The following GIT2 variants were observed in gnomAD, a reference collection of about 807,000 sequenced individuals.
GIT2 encodes the protein GIT ArfGAP 2, also known as ARF GTPase-activating protein GIT2.
Under a neutral mutation model 100.3 loss-of-function variants are expected in GIT2, and 32 were observed. That is an observed-to-expected ratio of 0.32 (90% CI 0.24 to 0.43). GIT2 has a LOEUF of 0.43. Among genes scored for constraint, GIT2 ranks in the 20% least tolerant of loss-of-function variants. The pLI is 1.00. For synonymous variants in GIT2, 353 were observed against 364.1 expected (o/e 0.97, Z 0.35); for missense variants, 737 against 975.1 (o/e 0.76, Z 3.25).
intron 8 of GIT2, among the ~76,000 whole-genome samples, chr12:109,966,745 T>C (rs1882576134): frequency 6.6e-6 from 1 of 152,150 alleles, no homozygotes; most frequent in Non-Finnish European, 1.5e-5. Flanking sequence ...AGTCATTTCA[T>C]AAACTCTTGA....
Position 109,934,283 on chromosome 12 carries a change from TG to T in GIT2, c.2004-199del, listed in dbSNP as rs1872378320. The T allele has an allele frequency of 5.2e-6, 3 of 580,232 alleles. No individual in the cohort carries two copies. The highest frequency in any genetic ancestry group is 9.3e-6 in the Non-Finnish European group (3 of 322,930). The allele number at this position is 580,232 out of a possible 1,614,324, so 35.9% of individuals were successfully genotyped here. A position where few individuals can be genotyped will look rare whatever the true frequency, so the allele number is the denominator to read the frequency against. The stretch of plus-strand genomic sequence containing the variant: ...ATTGCTTCCTAAAAGTTCAATCTGA[TG>T]AAAAGTCTCCAGGTATGAAATATGG... On this transcript the variant is annotated intron_variant, in intron 18 of 19. Coordinates refer to ENST00000355312, the MANE Select transcript of GIT2 (RefSeq NM_057169.5). This position sits in a 1 kb window ranked among gnomAD's most constrained non-coding sequence, Gnocchi z 4.5.
At chr12:109,938,837 A>T (rs1008108282) in intron 17 of GIT2, 2 of 502,378 alleles carry the variant, frequency 4.0e-6, no homozygotes, top group African/African-American at 3.9e-5. Flanking sequence ...TTGTTTATAA[A>T]GCCATCCTCA....
intron 1 of GIT2, among the ~76,000 whole-genome samples, chr12:109,992,431 G>A (rs912538314): frequency 1.2e-4 from 19 of 152,098 alleles, no homozygotes; most frequent in Admixed American, 7.2e-4. Flanking sequence ...ACAGGCGTGA[G>A]CCACTGTGCC....
intron 10 of GIT2, 59 bp from the exon 11 acceptor site, chr12:109,961,434 G>A (rs1881042747): frequency 8.9e-7 from 1 of 1,129,706 alleles, no homozygotes; most frequent in South Asian, 1.2e-5. Flanking sequence ...ACTGCTCCTG[G>A]GAGGCACAGC....
chr12:109,986,889 G>A (rs370897242), intron 4 of GIT2, among the ~76,000 whole-genome samples: 9 of 150,690 alleles, frequency 6.0e-5, no homozygotes, highest in Non-Finnish European at 1.0e-4. Context: ...CCTGGGAGGC[G>A]GAGGTTGTAG....
At chr12:109,972,500 G>A (rs1383092361) in intron 7 of GIT2, among the ~76,000 whole-genome samples, 3 of 148,744 alleles carry the variant, frequency 2.0e-5, no homozygotes, top group Non-Finnish European at 3.0e-5. Context: ...ACACAGTCTC[G>A]CTCTGTCGCC....
chr12:109,964,317 T>C (rs1050987400), intron 9 of GIT2, among the ~76,000 whole-genome samples: 1 of 152,294 alleles, frequency 6.6e-6, no homozygotes, highest in East Asian at 1.9e-4. Context: ...AACACATTTA[T>C]TTCATAATAC....
In GIT2 at chr12:109,962,593, C is replaced by T. The variant is rs1881358467; in HGVS notation, c.817-908G>A. The stretch of plus-strand genomic sequence containing the variant: ...CACATGGAGGATAATTGAGGTCTTC[C>T]TGGCCCAGATGAGGTTAAGCCTCTT... On this transcript the variant is annotated intron_variant, in intron 9 of 19. Coordinates refer to ENST00000355312, the MANE Select transcript of GIT2 (RefSeq NM_057169.5). This position sits in a 1 kb window ranked among gnomAD's most constrained non-coding sequence, Gnocchi z 4.3. Among the ~76,000 whole-genome samples the T allele has an allele frequency of 6.6e-6, 1 of 152,198 alleles. No homozygotes were observed. The highest frequency in any genetic ancestry group is 2.4e-5 in the African/African-American group (1 of 41,450).
At chr12:109,974,826 A>G (rs1316772936) in intron 7 of GIT2, among the ~76,000 whole-genome samples, 2 of 152,158 alleles carry the variant, frequency 1.3e-5, no homozygotes, top group Non-Finnish European at 1.5e-5. Flanking sequence ...CTGATTTTCT[A>G]TCTACTAGTT....
Position 109,953,298 on chromosome 12 carries a change from C to T in GIT2, c.1100-64G>A, listed in dbSNP as rs376790483. The T allele has an allele frequency of 3.6e-5, 56 of 1,550,190 alleles. 1 individual carries two copies. Among genetic ancestry groups the T allele is most frequent in the South Asian group, 2.0e-4 (18 of 88,440 alleles). On this transcript the variant is annotated intron_variant, in intron 12 of 19. Transcript: ENST00000355312. ...ACATTGCTTTTCTTCCAAAAAACTA[C>T]GGAGAGGATTTTTTGGTTTAGCCAT...
At chr12:109,966,987 T>G (rs931480539) in intron 8 of GIT2, among the ~76,000 whole-genome samples, 2 of 152,168 alleles carry the variant, frequency 1.3e-5, no homozygotes, top group Admixed American at 1.3e-4. Context: ...GAAATAAAAT[T>G]TCACTGGAAT....
chr12:109,951,930 T>C (rs1275858169), intron 13 of GIT2, among the ~76,000 whole-genome samples: 2 of 152,108 alleles, frequency 1.3e-5, no homozygotes. Flanking sequence ...AGGAAGAACA[T>C]TCCAGCCTGC....
At chr12:109,983,350 T>C (rs755259568) in intron 6 of GIT2, 23 bp downstream of exon 6, 7 of 1,605,942 alleles carry the variant, frequency 4.4e-6, no homozygotes, top group Non-Finnish European at 5.9e-6. Flanking sequence ...CAGAGAGAAG[T>C]AGCGAGAATC....
At chr12:109,987,428 G>A (rs572348960) in intron 4 of GIT2, among the ~76,000 whole-genome samples, 13 of 151,408 alleles carry the variant, frequency 8.6e-5, no homozygotes, top group Non-Finnish European at 1.6e-4. Flanking sequence ...ATAAATAGAA[G>A]CAAAAGCAAA....
intron 7 of GIT2, among the ~76,000 whole-genome samples, chr12:109,973,876 T>C (rs1215747661): frequency 6.6e-6 from 1 of 151,812 alleles, no homozygotes; most frequent in Non-Finnish European, 1.5e-5. Flanking sequence ...ACTCCATCTC[T>C]ACTAAAAATA....
intron 16 of GIT2, chr12:109,939,682 A>AAAATAAATAAATAAAT (rs59423792): frequency 7.1e-5 from 10 of 140,312 alleles, no homozygotes; most frequent in East Asian, 2.0e-4. Context: ...AAAAATAAAT[A>AAAATAAATAAATAAAT]AAATAAATAA....
At chr12:109,937,228 AAAAG>A (rs1319146713) in intron 18 of GIT2, among the ~76,000 whole-genome samples, 1 of 152,194 alleles carries the variant, frequency 6.6e-6, no homozygotes, top group Non-Finnish European at 1.5e-5. Flanking sequence ...AGCCATATAA[AAAAG>A]GGTACAGAAA....
At chr12:109,940,953 A>G (rs1053316703) in intron 16 of GIT2, among the ~76,000 whole-genome samples, 5 of 151,858 alleles carry the variant, frequency 3.3e-5, no homozygotes, top group African/African-American at 9.7e-5. Flanking sequence ...CTCTACATAA[A>G]GCCTGTCACT....
intron 12 of GIT2, among the ~76,000 whole-genome samples, chr12:109,957,419 T>G (rs960377372): frequency 3.3e-5 from 5 of 152,164 alleles, no homozygotes; most frequent in Non-Finnish European, 7.3e-5. Context: ...CCTTTTTTCT[T>G]TACGAACTAC....
Sources: gnomAD v4.1 joint callset for allele counts (sites outside exome capture counted in the v4.1 genomes callset) on GRCh38, gnomAD v4.1.1 for gene constraint, Gnocchi (gnomAD v3.1) non-coding constraint, MANE v1.5 for transcripts, NCBI Gene and HGNC (gene_info 2026-07-23, HGNC 2026-07-21) for gene names.